The following IRAK3 variants were observed in gnomAD, a reference collection of about 807,000 sequenced individuals.
IRAK3 encodes interleukin 1 receptor associated kinase 3, also known as interleukin-1 receptor-associated kinase 3.
In IRAK3, 57 loss-of-function variants were observed where a neutral mutation model predicts 56.6. The ratio of observed to expected loss-of-function variants is 1.01; its 90% confidence interval spans 0.81 to 1.26. The LOEUF is 1.26. Ranked by LOEUF, IRAK3 falls within the 50% of genes most tolerant of loss-of-function variation. IRAK3 has a pLI of 0.00. For missense variants in IRAK3, 703 were observed against 719.0 expected, an observed-to-expected ratio of 0.98 and a Z score of 0.25; for synonymous variants, 258 against 255.7, an observed-to-expected ratio of 1.01 and a Z score of -0.09.
At chr12:66,194,399 C>A (rs1032201452) in intron 1 of IRAK3, among the ~76,000 whole-genome samples, 1 of 152,206 alleles carries the variant, frequency 6.6e-6, no homozygotes, top group Non-Finnish European at 1.5e-5. Context: ...TCACCTCCCA[C>A]CGCTCCATTG....
At chr12:66,239,494 C>T (rs79969107) in intron 8 of IRAK3, among the ~76,000 whole-genome samples, 3,297 of 152,184 alleles carry the variant, frequency 0.022, 114 homozygotes, top group African/African-American at 0.075. Flanking sequence ...TATCCCCAGA[C>T]GGGAAGGTTG....
chr12:66,193,407 C>G (rs1294888131), intron 1 of IRAK3, among the ~76,000 whole-genome samples: 1 of 152,160 alleles, frequency 6.6e-6, no homozygotes, highest in Admixed American at 6.5e-5. Context: ...TAGTACACTC[C>G]GCACCCAGTT....
chr12:66,226,541 C>T (rs1237264926), intron 6 of IRAK3, among the ~76,000 whole-genome samples, 182 bp from the exon 7 acceptor site: 5 of 152,158 alleles, frequency 3.3e-5, no homozygotes, highest in African/African-American at 9.7e-5. Flanking sequence ...TGCACCTGGC[C>T]GTTAGAACTC....
At chr12:66,199,670 A>G (rs1284028066) in intron 1 of IRAK3, among the ~76,000 whole-genome samples, 4 of 152,186 alleles carry the variant, frequency 2.6e-5, no homozygotes, top group African/African-American at 9.7e-5. Context: ...AGTGCATACA[A>G]TTACTGTATT....
chr12:66,197,435 A>C (rs984879500), intron 1 of IRAK3: 13 of 984,788 alleles, frequency 1.3e-5, no homozygotes, highest in African/African-American at 1.7e-5. Context: ...GCTATTTTAT[A>C]GAATTGGATC....
At chr12:66,228,957 A>G (rs1451900202) in intron 8 of IRAK3, among the ~76,000 whole-genome samples, 2 of 152,230 alleles carry the variant, frequency 1.3e-5, no homozygotes, top group African/African-American at 2.4e-5. Flanking sequence ...TGGGTTTGTC[A>G]GGATGTAACC....
intron 1 of IRAK3, among the ~76,000 whole-genome samples, chr12:66,199,332 C>T (rs896916692): frequency 2.6e-5 from 4 of 152,202 alleles, no homozygotes; most frequent in Non-Finnish European, 4.4e-5. Context: ...GGCAGTGCCA[C>T]CACTAAATAC....
At chr12:66,228,115 GGAAAACCAAAACGTT>G in intron 7 of IRAK3, 122 bp from the exon 8 acceptor site, 1 of 777,026 alleles carries the variant, frequency 1.3e-6, no homozygotes, top group East Asian at 2.4e-5. Flanking sequence ...AATAGGTTTT[GGAAAACCAAAACGTT>G]GATTCACCCA....
At chr12:66,208,405 AT>A (rs2052578510) in intron 2 of IRAK3, among the ~76,000 whole-genome samples, 6 of 152,174 alleles carry the variant, frequency 3.9e-5, no homozygotes, top group Admixed American at 2.6e-4. Context: ...ATATAAAAAA[AT>A]AAACTAACCC....
At chr12:66,223,410 A>C (rs187118799) in intron 6 of IRAK3, among the ~76,000 whole-genome samples, 2,804 of 152,104 alleles carry the variant, frequency 0.018, 27 homozygotes, top group Middle Eastern at 0.048. Context: ...CTGTAATCCC[A>C]GCACTTTGGG....
chr12:66,200,777 A>G (rs949707972), intron 1 of IRAK3, among the ~76,000 whole-genome samples: 1 of 152,128 alleles, frequency 6.6e-6, no homozygotes, highest in East Asian at 1.9e-4. Context: ...AAACTCCCTA[A>G]GAAATTAATG....
chr12:66,216,607 C>T (rs985461597), intron 5 of IRAK3, among the ~76,000 whole-genome samples: 3 of 152,152 alleles, frequency 2.0e-5, no homozygotes, highest in African/African-American at 7.2e-5. Flanking sequence ...AGTAGGTGTT[C>T]AGTACAATGT....
intron 11 of IRAK3, among the ~76,000 whole-genome samples, chr12:66,245,818 C>A (rs2053027463): frequency 6.6e-6 from 1 of 152,116 alleles, no homozygotes. Context: ...ATTAAGAGAT[C>A]TGGCTCATTA....
At chr12:66,219,670 A>G (rs2052711835) in intron 6 of IRAK3, among the ~76,000 whole-genome samples, 1 of 152,224 alleles carries the variant, frequency 6.6e-6, no homozygotes, top group Non-Finnish European at 1.5e-5. Context: ...TCCAACCAAC[A>G]GCATACAAGG....
intron 6 of IRAK3, among the ~76,000 whole-genome samples, chr12:66,219,926 T>A (rs182034141): frequency 6.6e-6 from 1 of 152,352 alleles, no homozygotes; most frequent in African/African-American, 2.4e-5. Flanking sequence ...ATTGTATGAG[T>A]TCCTCACTAT....
At chr12:66,189,695 C>T (rs1396058820) in intron 1 of IRAK3, among the ~76,000 whole-genome samples, 2 of 152,172 alleles carry the variant, frequency 1.3e-5, no homozygotes, top group Non-Finnish European at 2.9e-5. Flanking sequence ...GACAGATAAC[C>T]AGCGTGAAAG....
intron 8 of IRAK3, among the ~76,000 whole-genome samples, chr12:66,243,211 C>CT (rs1045886381): frequency 3.2e-4 from 48 of 152,316 alleles, no homozygotes; most frequent in African/African-American, 1.1e-3. Flanking sequence ...AAGTAGGACT[C>CT]TGAGTCCTCT....
At chr12:66,238,251 A>G (rs1269535120) in intron 8 of IRAK3, among the ~76,000 whole-genome samples, 1 of 152,244 alleles carries the variant, frequency 6.6e-6, no homozygotes, top group Non-Finnish European at 1.5e-5. Context: ...TAAGGGTAGC[A>G]GATAGACTGC....
intron 8 of IRAK3, among the ~76,000 whole-genome samples, chr12:66,236,212 G>A (rs1267832018): frequency 6.6e-6 from 1 of 152,046 alleles, no homozygotes; most frequent in East Asian, 1.9e-4. Flanking sequence ...GCAGGGAGGA[G>A]GGAGGATGAG....
Sources: allele counts gnomAD v4.1 joint callset (sites outside exome capture counted in the v4.1 genomes callset), GRCh38; gene constraint gnomAD v4.1.1; transcripts MANE v1.5; gene names NCBI Gene and HGNC (gene_info 2026-07-23, HGNC 2026-07-21).